Variants in EOGT observed in about 807,000 individuals in gnomAD.
EOGT encodes EGF domain specific O-linked N-acetylglucosamine transferase, also known as EGF domain-specific O-linked N-acetylglucosamine transferase.
EOGT carries 55 observed loss-of-function variants against 70.5 expected under a neutral mutation model. The ratio of observed to expected loss-of-function variants is 0.78; its 90% CI spans 0.63 to 0.98. EOGT has a LOEUF of 0.98. Ranked by LOEUF, EOGT falls within the 50% of genes least tolerant of loss-of-function variation. The pLI is 0.00. For synonymous variants in EOGT, 246 were observed against 217.1 expected (o/e 1.13, Z -1.17); for missense variants, 703 against 641.9 (o/e 1.10, Z -1.03).
At chr3:69,005,010 C>T in intron 7 of EOGT, 130 bp downstream of exon 7, 2 of 596,668 alleles carry the variant, frequency 3.4e-6, no homozygotes, top group Non-Finnish European at 5.8e-6. Context: ...TGCACTGAGC[C>T]ATGATTACAC....
chr3:69,007,188 A>G (rs1467006147), intron 6 of EOGT, among the ~76,000 whole-genome samples: 1 of 152,226 alleles, frequency 6.6e-6, no homozygotes, highest in African/African-American at 2.4e-5. Context: ...AATGTGGGAT[A>G]AGGAGGACAG....
intron 3 of EOGT, 74 bp from the exon 4 acceptor site, chr3:69,009,934 A>AC: frequency 1.1e-5 from 4 of 377,032 alleles, no homozygotes; most frequent in African/African-American, 3.6e-5. Flanking sequence ...CAACAACAAC[A>AC]AAAAAAAAAA....
chr3:68,987,380 A>C, intron 14 of EOGT, 65 bp downstream of exon 14: 1 of 1,261,452 alleles, frequency 7.9e-7, no homozygotes, highest in South Asian at 1.3e-5. Context: ...TGTGAAAAAA[A>C]AAAAAACACA....
At position 68,977,512 on chromosome 3, in the gene EOGT, A is replaced by C; in HGVS notation, c.*106T>G. 2 of 1,208,250 alleles carry C rather than the reference A, an allele frequency of 1.7e-6. No homozygotes were observed. Among genetic ancestry groups the C allele is most frequent in the Non-Finnish European group, 2.4e-6 (2 of 837,912 alleles). The allele number at this position is 1,208,250 out of a possible 1,614,324, so 74.8% of individuals were successfully genotyped here. Reference sequence around the variant, plus strand: ...CCTGAAGGTATGTTTTGGCATAGAAAAGGTAATTCGGGGATAGGAAATAAC... The same window carrying C: ...CCTGAAGGTATGTTTTGGCATAGAACAGGTAATTCGGGGATAGGAAATAAC... On this transcript the variant is annotated 3_prime_UTR_variant, in exon 18 of 18. Transcript: ENST00000383701.
intron 6 of EOGT, among the ~76,000 whole-genome samples, chr3:69,007,511 G>GGGGGC (rs1553673436): frequency 1.2e-5 from 1 of 80,472 alleles, no homozygotes; most frequent in African/African-American, 4.3e-5. Flanking sequence ...AATTAGCGGG[G>GGGGGC]GGGGGTGGCA....
At chr3:69,009,927 C>CAAAA (rs1418938568) in intron 3 of EOGT, 67 bp from the exon 4 acceptor site, 4 of 538,476 alleles carry the variant, frequency 7.4e-6, no homozygotes, top group African/African-American at 5.5e-5. Context: ...ACAACAACAA[C>CAAAA]AACAACAAAA....
chr3:69,003,026 C>T (rs976685889), intron 8 of EOGT, among the ~76,000 whole-genome samples: 2 of 152,064 alleles, frequency 1.3e-5, no homozygotes, highest in Non-Finnish European at 2.9e-5. Context: ...TGTGACTATA[C>T]AGGAGTAGCA....
intron 10 of EOGT, among the ~76,000 whole-genome samples, chr3:68,996,273 C>T (rs1375749314): frequency 2.0e-5 from 3 of 152,140 alleles, no homozygotes; most frequent in Non-Finnish European, 4.4e-5. Flanking sequence ...GAGCAGTGAT[C>T]CTGAAAACCT....
chr3:69,009,951 A>C, intron 3 of EOGT, 91 bp from the exon 4 acceptor site: 1 of 633,930 alleles, frequency 1.6e-6, no homozygotes, highest in Non-Finnish European at 2.5e-6. Flanking sequence ...AAAAAAAAAC[A>C]AAGGGTCAAG....
At chr3:68,990,511 C>G (rs985053687) in intron 10 of EOGT, among the ~76,000 whole-genome samples, 1 of 152,122 alleles carries the variant, frequency 6.6e-6, no homozygotes, top group Non-Finnish European at 1.5e-5. Context: ...CGCCACCACA[C>G]CCGGCTAATT....
chr3:69,005,396 T>C (rs1403046099), intron 6 of EOGT, among the ~76,000 whole-genome samples, 162 bp from the exon 7 acceptor site: 1 of 152,190 alleles, frequency 6.6e-6, no homozygotes, highest in East Asian at 1.9e-4. Flanking sequence ...GGATATTTTC[T>C]CCTTCCCAGC....
In EOGT at chr3:68,982,843, T is replaced by G. The variant is rs1270320630; in HGVS notation, c.1182A>C (p.Thr394=). ...ELVNALKTVS[T]FEVQIVDYKY... ...TGTAATCAACAATCTGGACTTCAAA[T>G]GTAGATACTGTTTTCAGTGCATTTA... The change falls in exon 15 of 18, where the codon ACA becomes ACC. Residue 394 remains threonine, a synonymous_variant. Transcript: ENST00000383701. 15 of 1,605,126 alleles carry G rather than the reference T, an allele frequency of 9.3e-6. No individual in the cohort carries two copies. Among genetic ancestry groups the G allele is most frequent in the Non-Finnish European group, 1.2e-5 (14 of 1,175,922 alleles).
At chr3:68,993,117 A>G (rs1285979700) in intron 10 of EOGT, among the ~76,000 whole-genome samples, 3 of 152,212 alleles carry the variant, frequency 2.0e-5, no homozygotes. Flanking sequence ...CTTGGGAAGT[A>G]ACATTAGGCT....
At chr3:69,010,296 C>CA (rs756866838) in intron 3 of EOGT, among the ~76,000 whole-genome samples, 11 of 152,088 alleles carry the variant, frequency 7.2e-5, no homozygotes, top group Non-Finnish European at 1.3e-4. Flanking sequence ...TGCCTCTGTC[C>CA]AAAAAAGTAG....
intron 3 of EOGT, 70 bp from the exon 4 acceptor site, chr3:69,009,930 CAACAAA>C (rs1407534267): frequency 1.1e-4 from 52 of 467,016 alleles, no homozygotes; most frequent in South Asian, 4.0e-4. Flanking sequence ...ACAACAACAA[CAACAAA>C]AAAAAAAAAA....
rs753410325 is a variant in EOGT at position 68,979,799 on chromosome 3, C to A, written c.1215-12G>T. The stretch of plus-strand genomic sequence containing the variant: ...AAAACCCAAGTTCTCTGTGAACATA[C>A]AGAATAACATGAGAGAGATGGGGAG... On this transcript the variant is annotated splice_polypyrimidine_tract_variant and intron_variant, in intron 15 of 17. Transcript: ENST00000383701. 5 of 1,611,630 alleles carry A rather than the reference C, an allele frequency of 3.1e-6. No homozygotes were observed. Among genetic ancestry groups the A allele is most frequent in the Non-Finnish European group, 3.4e-6 (4 of 1,178,234 alleles).
Position 68,982,862 on chromosome 3 carries a change from GC to G in EOGT, c.1162del (p.Ala388HisfsTer2). 2 of 1,599,474 alleles carry G rather than the reference GC, an allele frequency of 1.3e-6. No homozygotes were observed. The highest frequency in any genetic ancestry group is 1.7e-6 in the Non-Finnish European group (2 of 1,173,166). ...KILNQNELVN[A>X]LKTVSTFEVQ... The stretch of plus-strand genomic sequence containing the variant: ...TTCAAATGTAGATACTGTTTTCAGT[GC>G]ATTTACAAGCTGGGAAAAAAAGAGA... On this transcript the variant is annotated frameshift_variant, in exon 15 of 18. Coordinates refer to ENST00000383701, the MANE Select transcript of EOGT (RefSeq NM_001278689.2). LOFTEE classifies it high-confidence loss of function.
chr3:69,004,428 G>A lies in EOGT; in HGVS notation c.570C>T (p.Asp190=), dbSNP rs530971237. 6.2e-7 allele frequency: 1 copy of A among 1,614,148 alleles called. No individual in the cohort carries two copies. Among genetic ancestry groups the A allele is most frequent in the African/African-American group, 1.3e-5 (1 of 75,060 alleles). The part of the protein sequence containing the change: ...SGEIGGHCKL[D]IRTLTSEGQR... Reference sequence around the variant, plus strand: ...GACCTTCAGACGTCAATGTACGGATGTCAAGTTTACAGTGCCCTCCAATTT... The same window carrying A: ...GACCTTCAGACGTCAATGTACGGATATCAAGTTTACAGTGCCCTCCAATTT... Residue 190 remains aspartate (D), a synonymous_variant, in exon 8 of 18, where the codon GAC becomes GAT. Coordinates refer to ENST00000383701, the MANE Select transcript of EOGT (RefSeq NM_001278689.2).
chr3:69,008,371 A>G, intron 5 of EOGT, 57 bp downstream of exon 5: 1 of 1,227,828 alleles, frequency 8.1e-7, no homozygotes, highest in Non-Finnish European at 1.2e-6. Flanking sequence ...TAGGGCATCA[A>G]CATACACTGT....
Sources: allele counts gnomAD v4.1 joint callset (sites outside exome capture counted in the v4.1 genomes callset), GRCh38; gene constraint gnomAD v4.1.1; transcripts MANE v1.5; gene names NCBI Gene and HGNC (gene_info 2026-07-23, HGNC 2026-07-21).